Variants in AKAP3 observed in about 807,000 individuals in gnomAD.
The protein encoded by AKAP3 is A-kinase anchoring protein 3, also known as A-kinase anchor protein 3.
A neutral mutation model predicts 57.2 loss-of-function variants in AKAP3; 27 were observed. The observed-to-expected ratio is 0.47, with a 90% CI of 0.35 to 0.65. AKAP3 has a LOEUF of 0.65. AKAP3 is among the 30% of genes least tolerant of loss of function. The pLI is 0.01. For synonymous variants in AKAP3, 334 were observed against 392.3 expected, an observed-to-expected ratio of 0.85 and a Z score of 1.76; for missense variants, 959 against 1,040.0, an observed-to-expected ratio of 0.92 and a Z score of 1.07.
chr12:4,640,344 A>C (rs1945622804), intron 3 of AKAP3, among the ~76,000 whole-genome samples: 4 of 152,230 alleles, frequency 2.6e-5, no homozygotes, highest in Admixed American at 2.6e-4. Context: ...TACTGTTATA[A>C]TCAAGCTCAA....
At chr12:4,648,161 A>C (rs1945721600) in intron 1 of AKAP3, 1 of 152,224 alleles carries the variant, frequency 6.6e-6, no homozygotes, top group African/African-American at 2.4e-5. Context: ...GAATTTCCTC[A>C]GTTTCTAGAT....
chr12:4,638,045 C>G (rs2137445134), intron 4 of AKAP3, 56 bp downstream of exon 4: 1 of 1,402,980 alleles, frequency 7.1e-7, no homozygotes, highest in East Asian at 2.3e-5. Flanking sequence ...TAAGGCTACT[C>G]TTAATGACAG....
intron 5 of AKAP3, among the ~76,000 whole-genome samples, chr12:4,621,375 G>A (rs1329607674): frequency 1.3e-5 from 2 of 152,028 alleles, no homozygotes; most frequent in South Asian, 2.1e-4. Context: ...CTAGGCCTTC[G>A]CATTCACTCA....
At chr12:4,633,759 A>G (rs950511732) in intron 4 of AKAP3, among the ~76,000 whole-genome samples, 1 of 100,618 alleles carries the variant, frequency 9.9e-6, no homozygotes, top group Non-Finnish European at 1.9e-5. Context: ...TAAGTCAGCT[A>G]TCTACCTTCC....
intron 4 of AKAP3, among the ~76,000 whole-genome samples, chr12:4,629,761 T>C (rs1475912041): frequency 2.6e-5 from 4 of 152,210 alleles, no homozygotes; most frequent in African/African-American, 9.7e-5. Flanking sequence ...TTCGATCTTA[T>C]TACAAGTATA....
chr12:4,643,513 A>G (rs989886581), intron 2 of AKAP3, among the ~76,000 whole-genome samples: 1 of 152,194 alleles, frequency 6.6e-6, no homozygotes, highest in Admixed American at 6.5e-5. Context: ...CTCAGAAACC[A>G]TGTTTTCTAA....
At position 4,626,446 on chromosome 12, in the gene AKAP3, C is replaced by A. The variant is rs910525740; in HGVS notation, c.2406+50G>T. The A allele has an allele frequency of 3.2e-6, 5 of 1,562,592 alleles. No individual in the cohort carries two copies. In the African/African-American group the frequency reaches 6.8e-5, roughly 21 times the overall value. On this transcript the variant is annotated intron_variant, in intron 5 of 5. Transcript: ENST00000228850. ...CAGAAAGAAACCAGAACTTAAAGCCCTAGTTAAATCTTAATAAAGCTTCCA... is the reference window on the plus strand; with the variant it reads ...CAGAAAGAAACCAGAACTTAAAGCCATAGTTAAATCTTAATAAAGCTTCCA...
intron 2 of AKAP3, among the ~76,000 whole-genome samples, chr12:4,644,372 G>C (rs1275419512): frequency 6.6e-6 from 1 of 152,116 alleles, no homozygotes; most frequent in Non-Finnish European, 1.5e-5. Flanking sequence ...TTGGGGCACT[G>C]GAAAGAAAAT....
At chr12:4,620,474 C>CAAA (rs35307509) in intron 5 of AKAP3, among the ~76,000 whole-genome samples, 5,540 of 80,426 alleles carry the variant, frequency 0.069, 466 homozygotes, top group East Asian at 0.26. Flanking sequence ...GAGACTGTCT[C>CAAA]AAAAAAAAAA....
intron 4 of AKAP3, among the ~76,000 whole-genome samples, chr12:4,630,511 A>T (rs1204512220): frequency 2.0e-5 from 3 of 152,192 alleles, no homozygotes; most frequent in South Asian, 4.1e-4. Flanking sequence ...TGTCTGCAGG[A>T]CTGGTTTAAG....
rs1473908858 is a variant in AKAP3, at chr12:4,625,803, T to TG, written c.2406+692dup. On this transcript the variant is annotated intron_variant, in intron 5 of 5. Coordinates refer to ENST00000228850, the MANE Select transcript of AKAP3 (RefSeq NM_001278309.2). The surrounding 1 kb of genome is among the most constrained non-coding windows in gnomAD (Gnocchi z 5.4). ...TTCCCGCACTTCAGTGTGAAGCATC[T>TG]GGGGTAAGTGTGCGTGTTCTCCAGA... 6.6e-6 allele frequency among the ~76,000 whole-genome samples: 1 copy of TG among 152,084 alleles called. No homozygotes were observed. The highest frequency in any genetic ancestry group is 1.5e-5 in the Non-Finnish European group (1 of 68,016).
chr12:4,648,821 G>C lies in AKAP3; in HGVS notation c.-321C>G, dbSNP rs1945732339. The C allele has an allele frequency of 5.5e-6, 2 of 363,502 alleles. No individual in the cohort carries two copies. Among genetic ancestry groups the C allele is most frequent in the African/African-American group, 2.1e-5 (1 of 47,048 alleles). The allele number at this position is 363,502 out of a possible 1,614,324, so 22.5% of individuals were successfully genotyped here. A position where few individuals can be genotyped will look rare whatever the true frequency, so the allele number is the denominator to read the frequency against. ...GGAAAGGTGAGCTCTTCTACCTCGG[G>C]TCTTGCCATTTTGCATGTCCTGAGT... is the stretch of plus-strand genomic sequence containing the variant. On this transcript the variant is annotated 5_prime_UTR_variant, in exon 1 of 6. Transcript: ENST00000228850.
rs1945588566 is a variant in AKAP3, at chr12:4,638,094, C to T, written c.96+7G>A. On this transcript the variant is annotated splice_region_variant and intron_variant, in intron 4 of 5. Coordinates refer to ENST00000228850, the MANE Select transcript of AKAP3 (RefSeq NM_001278309.2). ...AACCTAGTGTTTATCAAGAGGTTGA[C>T]CCTTACCATTTTCCAGTCCTGGGCT... is the stretch of plus-strand genomic sequence containing the variant. 1 of 1,601,224 alleles carries T rather than the reference C, an allele frequency of 6.2e-7. No homozygotes were observed. The highest frequency in any genetic ancestry group is 1.1e-5 in the South Asian group (1 of 90,838).
At chr12:4,617,382 T>G (rs944738185) in intron 5 of AKAP3, among the ~76,000 whole-genome samples, 2 of 152,232 alleles carry the variant, frequency 1.3e-5, no homozygotes, top group African/African-American at 2.4e-5. Flanking sequence ...ACTGGGAACA[T>G]TAAGAATGAA....
intron 1 of AKAP3, chr12:4,648,364 C>T (rs769252499): frequency 2.6e-5 from 4 of 152,262 alleles, no homozygotes; most frequent in Admixed American, 6.5e-5. Context: ...AATCACACTT[C>T]TGGTTAAGAA....
At chr12:4,623,052 G>A (rs114064592) in intron 5 of AKAP3, among the ~76,000 whole-genome samples, 4,572 of 152,178 alleles carry the variant, frequency 0.03, 191 homozygotes, top group South Asian at 0.11. Context: ...CTAGATAAAC[G>A]CAAATCCAAA....
chr12:4,618,878 A>T (rs1945315546), intron 5 of AKAP3, among the ~76,000 whole-genome samples: 1 of 152,252 alleles, frequency 6.6e-6, no homozygotes, highest in Non-Finnish European at 1.5e-5. Flanking sequence ...AAATAAAAAG[A>T]TAAGCCACAA....
intron 4 of AKAP3, among the ~76,000 whole-genome samples, chr12:4,633,698 G>A (rs1362719136): frequency 8.1e-6 from 1 of 123,458 alleles, no homozygotes; most frequent in Non-Finnish European, 1.7e-5. Context: ...AATATAAGAA[G>A]AGGTCATGGG....
intron 5 of AKAP3, among the ~76,000 whole-genome samples, chr12:4,622,326 C>T (rs1945356741): frequency 6.6e-6 from 1 of 152,100 alleles, no homozygotes; most frequent in Non-Finnish European, 1.5e-5. Context: ...ACAGCCAAGG[C>T]ACTCCTAGGT....
Sources: gnomAD v4.1 joint callset for allele counts (sites outside exome capture counted in the v4.1 genomes callset) on GRCh38, gnomAD v4.1.1 for gene constraint, Gnocchi (gnomAD v3.1) non-coding constraint, MANE v1.5 for transcripts, NCBI Gene and HGNC (gene_info 2026-07-23, HGNC 2026-07-21) for gene names.